The following SEC23B variants were observed in gnomAD, a reference collection of about 807,000 sequenced individuals.
SEC23B encodes the protein SEC23 homolog B, COPII component.
Under a neutral mutation model 104.3 loss-of-function variants are expected in SEC23B, and 77 were observed. The observed-to-expected ratio is 0.74, with a 90% CI of 0.61 to 0.89. The LOEUF (loss-of-function observed/expected upper bound fraction) is 0.89. Among genes scored for constraint, SEC23B ranks in the 40% least tolerant of loss-of-function variants. The pLI is 0.00. For missense variants in SEC23B, 885 were observed against 949.4 expected, an observed-to-expected ratio of 0.93 and a Z score of 0.89; for synonymous variants, 338 against 332.5, an observed-to-expected ratio of 1.02 and a Z score of -0.18.
chr20:18,553,022 C>T lies in SEC23B; in HGVS notation c.1993-1213C>T, dbSNP rs115143037. 5.2e-3 allele frequency among the ~76,000 whole-genome samples: 784 copies of T among 152,220 alleles called. 9 individuals carry two copies. The highest frequency in any genetic ancestry group is 0.04 in the South Asian group (191 of 4,830). On this transcript the variant is annotated intron_variant, in intron 17 of 19. Coordinates refer to ENST00000650089, the MANE Select transcript of SEC23B (RefSeq NM_006363.6). ...GTCTTGGAACCAATCTCACAGATAC[C>T]GAGGGCCGACTGTACTAAGGATGAA...
chr20:18,526,338 G>A (rs765376678), intron 7 of SEC23B, 35 bp from the exon 8 acceptor site: 4 of 1,610,942 alleles, frequency 2.5e-6, no homozygotes, highest in African/African-American at 1.3e-5. Flanking sequence ...AGGTGAGGCT[G>A]TATACTTCTA....
intron 16 of SEC23B, among the ~76,000 whole-genome samples, chr20:18,550,424 T>G (rs999119101): frequency 6.6e-6 from 1 of 152,192 alleles, no homozygotes; most frequent in African/African-American, 2.4e-5. Context: ...CCCAAAGTTC[T>G]AGGTTTACAG....
intron 3 of SEC23B, among the ~76,000 whole-genome samples, chr20:18,513,506 A>C (rs1002618905): frequency 6.6e-5 from 10 of 152,206 alleles, no homozygotes; most frequent in Admixed American, 1.3e-4. Context: ...TGTTAGAAAA[A>C]ATTTGTGTCC....
intron 4 of SEC23B, among the ~76,000 whole-genome samples, chr20:18,518,595 T>TTTGTTTG (rs1555787305): frequency 1.4e-5 from 2 of 145,628 alleles, no homozygotes; most frequent in Admixed American, 7.0e-5. Context: ...TTTTTTTTTT[T>TTTGTTTG]TTTTTTTTTT....
chr20:18,552,258 G>A (rs2060393554), intron 17 of SEC23B, among the ~76,000 whole-genome samples: 1 of 152,150 alleles, frequency 6.6e-6, no homozygotes. Context: ...GGAAGTGTTA[G>A]TTTTCTAATA....
chr20:18,555,240 C>A, intron 19 of SEC23B, 67 bp downstream of exon 19: 1 of 1,315,722 alleles, frequency 7.6e-7, no homozygotes. Context: ...TTTTAAAATT[C>A]TACAAATTGG....
At chr20:18,521,970 C>G (rs1455474267) in intron 4 of SEC23B, among the ~76,000 whole-genome samples, 1 of 152,056 alleles carries the variant, frequency 6.6e-6, no homozygotes, top group Non-Finnish European at 1.5e-5. Context: ...GAATCATTGT[C>G]GAGTTTGTAC....
intron 12 of SEC23B, among the ~76,000 whole-genome samples, chr20:18,541,189 C>T (rs1397173878): frequency 6.6e-6 from 1 of 152,252 alleles, no homozygotes; most frequent in Non-Finnish European, 1.5e-5. Context: ...CCTCTCTCCA[C>T]CTTCATAAAT....
intron 18 of SEC23B, 125 bp from the exon 19 acceptor site, chr20:18,554,976 TTAGATTA>T: frequency 2.5e-4 from 18 of 71,016 alleles, no homozygotes; most frequent in South Asian, 6.2e-4. Context: ...ACAATTCTAA[TTAGATTA>T]CTGTGCAGTA....
chr20:18,553,471 C>T (rs112108627), intron 17 of SEC23B, among the ~76,000 whole-genome samples: 3,282 of 152,236 alleles, frequency 0.022, 54 homozygotes, highest in African/African-American at 0.041. Context: ...AAATAACATG[C>T]GAAAGCACTT....
intron 5 of SEC23B, 65 bp from the exon 6 acceptor site, chr20:18,524,870 T>G: frequency 6.4e-7 from 1 of 1,559,752 alleles, no homozygotes; most frequent in Non-Finnish European, 8.8e-7. Flanking sequence ...GGACATTTCT[T>G]AAAAATTAGT....
At chr20:18,542,981 C>T in intron 13 of SEC23B, 38 bp from the exon 14 acceptor site, 4 of 1,613,646 alleles carry the variant, frequency 2.5e-6, no homozygotes, top group Non-Finnish European at 3.4e-6. Context: ...TCTGATCTCT[C>T]CTAAACATAA....
chr20:18,552,745 T>C (rs952599269), intron 17 of SEC23B, among the ~76,000 whole-genome samples: 2 of 151,932 alleles, frequency 1.3e-5, no homozygotes, highest in African/African-American at 4.8e-5. Flanking sequence ...ACTCAGGAAG[T>C]GGAGGTTTCA....
At chr20:18,523,559 C>T (rs764954166) in intron 4 of SEC23B, among the ~76,000 whole-genome samples, 9 of 151,180 alleles carry the variant, frequency 6.0e-5, no homozygotes, top group East Asian at 1.9e-4. Context: ...AACCCCACTA[C>T]GCCTGGCTAA....
chr20:18,551,256 GGAGAA>G, intron 17 of SEC23B, 81 bp downstream of exon 17: 1 of 767,132 alleles, frequency 1.3e-6, no homozygotes, highest in South Asian at 1.6e-5. Context: ...GTGCACACAA[GGAGAA>G]TTATTGTCCT....
chr20:18,559,520 T>C (rs2060473477), intron 19 of SEC23B, among the ~76,000 whole-genome samples: 1 of 152,092 alleles, frequency 6.6e-6, no homozygotes, highest in Non-Finnish European at 1.5e-5. Context: ...AGGGTAGAAA[T>C]TGTAGCTGCC....
At chr20:18,507,831 A>T (rs573195555), upstream of SEC23B, 1 of 152,332 alleles carries the variant, frequency 6.6e-6, no homozygotes, top group Admixed American at 6.5e-5. Context: ...TCCGTCGGAG[A>T]AGCGCTCTTT....
intron 12 of SEC23B, 30 bp downstream of exon 12, chr20:18,535,772 G>C: frequency 6.6e-7 from 1 of 1,505,152 alleles, no homozygotes; most frequent in Non-Finnish European, 9.3e-7. Context: ...ATGTCTTCAT[G>C]TCTTAGTGTC....
chr20:18,553,029 C>T (rs1025707963), intron 17 of SEC23B, among the ~76,000 whole-genome samples: 5 of 152,234 alleles, frequency 3.3e-5, no homozygotes, highest in African/African-American at 9.6e-5. Flanking sequence ...TACCGAGGGC[C>T]GACTGTACTA....
Sources: gnomAD v4.1 joint callset for allele counts (sites outside exome capture counted in the v4.1 genomes callset) on GRCh38, gnomAD v4.1.1 for gene constraint, MANE v1.5 for transcripts, NCBI Gene and HGNC (gene_info 2026-07-23, HGNC 2026-07-21) for gene names.